Variants in TET1 observed in about 807,000 individuals in gnomAD.
TET1 encodes the protein methylcytosine dioxygenase TET1.
TET1 carries 13 observed loss-of-function variants against 148.7 expected under a neutral mutation model. The observed-to-expected ratio is 0.09, with a 90% confidence interval of 0.06 to 0.14. The LOEUF is 0.14. TET1 is among the 10% of genes least tolerant of loss of function. The pLI, the probability that TET1 is intolerant of heterozygous loss-of-function variation, is 1.00. For missense variants in TET1, 2,182 were observed against 2,553.8 expected, an observed-to-expected ratio of 0.85 and a Z score of 3.14; for synonymous variants, 907 against 937.2, an observed-to-expected ratio of 0.97 and a Z score of 0.59.
At chr10:68,596,223 G>GGGAA in intron 2 of TET1, among the ~76,000 whole-genome samples, 1 of 151,002 alleles carries the variant, frequency 6.6e-6, no homozygotes, top group African/African-American at 2.4e-5. Flanking sequence ...TTCTTTTAAG[G>GGGAA]TTATTTTAGG....
intron 2 of TET1, among the ~76,000 whole-genome samples, chr10:68,582,762 A>G (rs2053815572): frequency 6.6e-6 from 1 of 152,196 alleles, no homozygotes; most frequent in African/African-American, 2.4e-5. Context: ...GGCATATGGA[A>G]CAAATTTTTG....
intron 3 of TET1, among the ~76,000 whole-genome samples, chr10:68,624,714 CTTCT>C (rs1340131438): frequency 8.7e-6 from 1 of 115,474 alleles, no homozygotes; most frequent in African/African-American, 3.4e-5. Flanking sequence ...CTTTTCCTTC[CTTCT>C]TTCTTTCCTT....
In TET1 at chr10:68,642,175, C is replaced by G. The variant is rs182157593; in HGVS notation, c.1969-2523C>G. 1.9e-3 allele frequency among the ~76,000 whole-genome samples: 291 copies of G among 152,242 alleles called. 3 individuals carry two copies. Among genetic ancestry groups the G allele is most frequent in the Admixed American group, 0.017 (257 of 15,276 alleles). On this transcript the variant is annotated intron_variant, in intron 3 of 11. Transcript: ENST00000373644. The stretch of plus-strand genomic sequence containing the variant: ...AGGTTTTACAAAATTAGTCTGTAGT[C>G]CCAGCTTCTCTAGAGCTGAGGCAGG...
chr10:68,671,380 T>C (rs575203062), intron 7 of TET1, among the ~76,000 whole-genome samples: 1 of 152,368 alleles, frequency 6.6e-6, no homozygotes, highest in African/African-American at 2.4e-5. Context: ...GACACGATTA[T>C]GTTCTTTTCT....
At chr10:68,607,412 T>C (rs965749292) in intron 3 of TET1, among the ~76,000 whole-genome samples, 6 of 151,994 alleles carry the variant, frequency 3.9e-5, no homozygotes, top group Non-Finnish European at 8.8e-5. Flanking sequence ...TCTTAAGTTT[T>C]TTTTTTTTGT....
chr10:68,560,842 A>T (rs930934042), intron 1 of TET1, 100 bp downstream of exon 1: 1 of 152,490 alleles, frequency 6.6e-6, no homozygotes, highest in Admixed American at 6.6e-5. Flanking sequence ...CGCGGGCTGG[A>T]TGTGGCCGGG....
In TET1 at chr10:68,579,336, C is replaced by T. The variant is rs143462015; in HGVS notation, c.1914+5084C>T. On this transcript the variant is annotated intron_variant, in intron 2 of 11. Coordinates refer to ENST00000373644, the MANE Select transcript of TET1 (RefSeq NM_030625.3). ...TACCCAAAATAGAATATTCAGTATC[C>T]TCGCCTCCTTTGCTCATCCATCCAA... Among the ~76,000 whole-genome samples, 130 of 152,340 alleles carry T rather than the reference C, an allele frequency of 8.5e-4. 1 individual carries two copies. Among genetic ancestry groups the T allele is most frequent in the African/African-American group, 3.0e-3 (124 of 41,572 alleles).
chr10:68,657,499 T>A (rs993656904), intron 6 of TET1, among the ~76,000 whole-genome samples: 7 of 152,124 alleles, frequency 4.6e-5, no homozygotes, highest in Admixed American at 4.6e-4. Context: ...ATTAGCCAAC[T>A]GTGGTGGTGT....
chr10:68,627,175 A>G (rs1369676690), intron 3 of TET1, among the ~76,000 whole-genome samples: 1 of 152,072 alleles, frequency 6.6e-6, no homozygotes, highest in African/African-American at 2.4e-5. Flanking sequence ...TGGGAGGCCA[A>G]GGCGGGCGGA....
chr10:68,683,109 G>C (rs1362408443), intron 10 of TET1, 136 bp downstream of exon 10: 1 of 1,029,360 alleles, frequency 9.7e-7, no homozygotes. Context: ...GGAAAATAAA[G>C]TGAAAAAAAA....
At chr10:68,670,689 C>T in intron 7 of TET1, among the ~76,000 whole-genome samples, 2 of 152,128 alleles carry the variant, frequency 1.3e-5, no homozygotes, top group South Asian at 4.1e-4. Context: ...TCTTATGTTT[C>T]TATTTGTTTG....
intron 2 of TET1, among the ~76,000 whole-genome samples, chr10:68,577,692 C>T (rs990919724): frequency 2.6e-5 from 4 of 152,050 alleles, no homozygotes; most frequent in African/African-American, 4.8e-5. Flanking sequence ...CCTGTTAATC[C>T]CAGCTACTCT....
At chr10:68,590,540 A>T (rs1012699320) in intron 2 of TET1, among the ~76,000 whole-genome samples, 5 of 152,036 alleles carry the variant, frequency 3.3e-5, no homozygotes, top group African/African-American at 1.2e-4. Flanking sequence ...TGGGATTTGG[A>T]TCTCCCCAAG....
At chr10:68,622,987 C>T (rs534820436) in intron 3 of TET1, among the ~76,000 whole-genome samples, 1 of 152,248 alleles carries the variant, frequency 6.6e-6, no homozygotes, top group African/African-American at 2.4e-5. Flanking sequence ...GTCAGAAAAT[C>T]ACATTATCTG....
At chr10:68,597,199 A>T (rs897805426) in intron 2 of TET1, among the ~76,000 whole-genome samples, 3 of 151,632 alleles carry the variant, frequency 2.0e-5, no homozygotes, top group African/African-American at 7.3e-5. Flanking sequence ...ACTCCTGGCT[A>T]ATTTTTGTAT....
chr10:68,573,422 A>G lies in TET1; in HGVS notation c.1084A>G (p.Thr362Ala). Residue 362 changes from threonine to alanine, a missense_variant, in exon 2 of 12, where the codon ACC becomes GCC. Transcript: ENST00000373644. ...TANQQEVSDT[T>A]SFLGQAFGAI... is the part of the protein sequence containing the mutation. ...AAATCAACAGGAAGTTTCTGATACC[A>G]CCTCTTTCCTAGGACAGGCCTTTGG... 1.2e-6 allele frequency: 2 copies of G among 1,613,886 alleles called. No individual in the cohort carries two copies. Among genetic ancestry groups the G allele is most frequent in the Non-Finnish European group, 8.5e-7 (1 of 1,179,976 alleles).
intron 3 of TET1, among the ~76,000 whole-genome samples, chr10:68,627,905 C>T (rs1197987272): frequency 6.6e-6 from 1 of 152,052 alleles, no homozygotes. Flanking sequence ...CACTGCACTC[C>T]AGCCGGGGCG....
intron 3 of TET1, among the ~76,000 whole-genome samples, chr10:68,643,807 C>T (rs1408627105): frequency 2.7e-5 from 4 of 150,468 alleles, no homozygotes; most frequent in African/African-American, 2.4e-5. Context: ...AGCAAGACCC[C>T]GTCTGAAAAA....
At chr10:68,609,563 C>T (rs76779342) in intron 3 of TET1, among the ~76,000 whole-genome samples, 9,680 of 152,272 alleles carry the variant, frequency 0.064, 454 homozygotes, top group Middle Eastern at 0.11. Context: ...GCCTTAGCCT[C>T]CTCAAGTGTT....
Sources: gnomAD v4.1 joint callset for allele counts (sites outside exome capture counted in the v4.1 genomes callset) on GRCh38, gnomAD v4.1.1 for gene constraint, MANE v1.5 for transcripts, NCBI Gene and HGNC (gene_info 2026-07-23, HGNC 2026-07-21) for gene names.